The following ELP4 variants were observed in gnomAD, a reference collection of about 807,000 sequenced individuals.
The protein encoded by ELP4 is elongator acetyltransferase complex subunit 4.
A neutral mutation model predicts 48.9 loss-of-function variants in ELP4; 51 were observed. The ratio of observed to expected loss-of-function variants is 1.04; its 90% CI spans 0.83 to 1.32. The LOEUF (loss-of-function observed/expected upper bound fraction) is 1.32, where lower values mean the gene tolerates loss of function less well. Among genes scored for constraint, ELP4 ranks in the 40% most tolerant of loss-of-function variants. ELP4 has a pLI of 0.00. For synonymous variants in ELP4, 210 were observed against 189.2 expected (o/e 1.11, Z -0.90); for missense variants, 519 against 514.6 (o/e 1.01, Z -0.08).
intron 2 of ELP4, among the ~76,000 whole-genome samples, chr11:31,524,462 A>G (rs1956265723): frequency 6.6e-6 from 1 of 152,208 alleles, no homozygotes; most frequent in Non-Finnish European, 1.5e-5. Flanking sequence ...GCAAAATGTT[A>G]TAGGTTTTCA....
At chr11:31,755,967 T>G (rs1947825464) in intron 9 of ELP4, among the ~76,000 whole-genome samples, 1 of 152,208 alleles carries the variant, frequency 6.6e-6, no homozygotes, top group South Asian at 2.1e-4. Flanking sequence ...CCACAACAAC[T>G]TTTTGGTAGA....
At position 31,639,069 on chromosome 11, in the gene ELP4, T is replaced by C. The variant is rs74691563; in HGVS notation, c.927+6664T>C. Among the ~76,000 whole-genome samples the C allele has an allele frequency of 6.8e-3, 1,037 of 151,950 alleles. 12 individuals are homozygous for C. Among genetic ancestry groups the C allele is most frequent in the African/African-American group, 0.024 (986 of 41,526 alleles). On this transcript the variant is annotated intron_variant, in intron 7 of 9. Coordinates refer to ENST00000640961, the MANE Select transcript of ELP4 (RefSeq NM_019040.5). ...AATGCACTTTATTAAGAAGAATAGT[T>C]AGGGATGAAAATTACAGATTAATCT...
intron 9 of ELP4, among the ~76,000 whole-genome samples, chr11:31,657,245 T>A (rs1264431189): frequency 1.3e-5 from 2 of 152,090 alleles, no homozygotes; most frequent in African/African-American, 4.8e-5. Context: ...CTCATCCCTC[T>A]GATCTTTTCA....
At chr11:31,580,988 A>G (rs988383349) in intron 3 of ELP4, among the ~76,000 whole-genome samples, 27 of 152,118 alleles carry the variant, frequency 1.8e-4, no homozygotes, top group African/African-American at 6.5e-4. Context: ...CAAATATTAT[A>G]CTATTTGACA....
intron 7 of ELP4, among the ~76,000 whole-genome samples, chr11:31,644,296 C>T (rs545979168): frequency 4.0e-5 from 6 of 151,812 alleles, no homozygotes; most frequent in African/African-American, 1.2e-4. Flanking sequence ...TGAAATGTTC[C>T]GTACTGGAAA....
chr11:31,570,885 C>T (rs1367038123), intron 3 of ELP4, among the ~76,000 whole-genome samples: 1 of 150,318 alleles, frequency 6.7e-6, no homozygotes, highest in Non-Finnish European at 1.5e-5. Context: ...CTGCAACCTC[C>T]ACTTCCTGGG....
chr11:31,774,163 A>G (rs1948200456), intron 9 of ELP4, among the ~76,000 whole-genome samples: 1 of 152,226 alleles, frequency 6.6e-6, no homozygotes, highest in Admixed American at 6.5e-5. Context: ...CAACAAAGCG[A>G]GACTGTCTCA....
chr11:31,718,830 T>C (rs1240681599), intron 9 of ELP4, among the ~76,000 whole-genome samples: 1 of 152,194 alleles, frequency 6.6e-6, no homozygotes. Flanking sequence ...ACATCTGCCG[T>C]ACTTTATGGA....
At chr11:31,624,330 G>C (rs940121475) in intron 5 of ELP4, among the ~76,000 whole-genome samples, 4 of 151,626 alleles carry the variant, frequency 2.6e-5, no homozygotes, top group Non-Finnish European at 4.4e-5. Flanking sequence ...GTAGTCTCTT[G>C]GGCCTAGCCT....
intron 9 of ELP4, among the ~76,000 whole-genome samples, chr11:31,704,296 A>C (rs1946584838): frequency 6.6e-6 from 1 of 152,198 alleles, no homozygotes; most frequent in Admixed American, 6.5e-5. Context: ...ATTTCTTAAA[A>C]CTATGCAGCC....
At chr11:31,660,638 A>G (rs1945536061) in intron 9 of ELP4, among the ~76,000 whole-genome samples, 1 of 151,868 alleles carries the variant, frequency 6.6e-6, no homozygotes, top group African/African-American at 2.4e-5. Flanking sequence ...ATATGTATAC[A>G]CATATGTACT....
At chr11:31,689,147 A>G (rs1010608687) in intron 9 of ELP4, 1 of 152,180 alleles carries the variant, frequency 6.6e-6, no homozygotes, top group Non-Finnish European at 1.5e-5. Flanking sequence ...TTTAGCTTCA[A>G]TAGGTTCATC....
At chr11:31,651,252 C>G (rs1413100924) in intron 9 of ELP4, 2 of 151,696 alleles carry the variant, frequency 1.3e-5, no homozygotes, top group Non-Finnish European at 2.9e-5. Flanking sequence ...GCAAGTAGCA[C>G]TAACCTATAA....
At chr11:31,758,992 T>C (rs755437268) in intron 9 of ELP4, among the ~76,000 whole-genome samples, 7 of 152,204 alleles carry the variant, frequency 4.6e-5, no homozygotes, top group Non-Finnish European at 1.0e-4. Flanking sequence ...TTATGTAATA[T>C]ATCTAGTTGT....
At position 31,789,038 on chromosome 11, in the gene ELP4, G is replaced by A; in HGVS notation, c.*5514G>A. ...CAAAACACTTAAGTTTAAAACTCTT[G>A]CAAGCACTTTTAATTGATTAGGAAT... On this transcript the variant is annotated 3_prime_UTR_variant, in exon 10 of 10. Coordinates refer to ENST00000640961, the MANE Select transcript of ELP4 (RefSeq NM_019040.5). 5.0e-6 allele frequency: 1 copy of A among 201,334 alleles called. No homozygotes were observed. Among genetic ancestry groups the A allele is most frequent in the East Asian group, 7.8e-5 (1 of 12,842 alleles). 12.5% of individuals were successfully genotyped at this position (201,334 alleles called of 1,614,324 possible).
rs773621465 is a variant in ELP4, at chr11:31,790,046, T to C, written c.*6522T>C. The C allele has an allele frequency of 1.1e-5, 15 of 1,355,654 alleles. No homozygotes were observed. Among genetic ancestry groups the C allele is most frequent in the Non-Finnish European group, 1.5e-5 (14 of 965,094 alleles). 84.0% of individuals were successfully genotyped at this position (1,355,654 alleles called of 1,614,324 possible). A position where few individuals can be genotyped will look rare whatever the true frequency, so the allele number is the denominator to read the frequency against. The stretch of plus-strand genomic sequence containing the variant: ...TAGAAGTGGATGAAAGAAATAGCCA[T>C]GTAGATATTCCCTTTGAGAAACAGA... On this transcript the variant is annotated 3_prime_UTR_variant, in exon 10 of 10. Coordinates refer to ENST00000640961, the MANE Select transcript of ELP4 (RefSeq NM_019040.5).
At chr11:31,745,633 A>C (rs1485258171) in intron 9 of ELP4, among the ~76,000 whole-genome samples, 2 of 152,338 alleles carry the variant, frequency 1.3e-5, no homozygotes, top group Admixed American at 1.3e-4. Flanking sequence ...AAAAACAAGC[A>C]ATGGGGAAAG....
chr11:31,673,901 C>T (rs1038069836), intron 9 of ELP4, among the ~76,000 whole-genome samples: 4 of 152,084 alleles, frequency 2.6e-5, no homozygotes, highest in African/African-American at 9.7e-5. Flanking sequence ...GTTACTCTAA[C>T]GGAAATAGAG....
In ELP4 at chr11:31,729,745, A is replaced by G. The variant is rs186548760; in HGVS notation, c.1144-53648A>G. Reference sequence around the variant, plus strand: ...TGGCTTATTAATTATAAAATTGGTTATCAGTATGAGTGTGTGACACAGCTT... The same window carrying G: ...TGGCTTATTAATTATAAAATTGGTTGTCAGTATGAGTGTGTGACACAGCTT... On this transcript the variant is annotated intron_variant, in intron 9 of 9. Coordinates refer to ENST00000640961, the MANE Select transcript of ELP4 (RefSeq NM_019040.5). 3.5e-3 allele frequency among the ~76,000 whole-genome samples: 532 copies of G among 152,340 alleles called. 6 individuals are homozygous for G. Among genetic ancestry groups the G allele is most frequent in the Non-Finnish European group, 6.6e-4 (45 of 68,038 alleles).
Sources: allele counts gnomAD v4.1 joint callset (sites outside exome capture counted in the v4.1 genomes callset), GRCh38; gene constraint gnomAD v4.1.1; transcripts MANE v1.5; gene names NCBI Gene and HGNC (gene_info 2026-07-23, HGNC 2026-07-21).